EPB41L3: variants seen among roughly 807,000 people sequenced by gnomAD.
EPB41L3 encodes band 4.1-like protein 3.
A neutral mutation model predicts 127.1 loss-of-function variants in EPB41L3; 57 were observed. The ratio of observed to expected loss-of-function variants is 0.45; its 90% CI spans 0.36 to 0.56. EPB41L3 has a LOEUF of 0.56. EPB41L3 is among the 20% of genes least tolerant of loss of function. EPB41L3 has a pLI of 0.00. For synonymous variants in EPB41L3, 572 were observed against 549.5 expected (o/e 1.04, Z -0.57); for missense variants, 1,273 against 1,372.2 (o/e 0.93, Z 1.14).
At chr18:5,428,213 T>G (rs1327880568) in intron 9 of EPB41L3, 100 bp downstream of exon 9, 4 of 1,386,178 alleles carry the variant, frequency 2.9e-6, no homozygotes, top group Non-Finnish European at 4.0e-6. Context: ...TCATTCACTG[T>G]GTCCCACAAT....
intron 1 of EPB41L3, among the ~76,000 whole-genome samples, chr18:5,615,816 A>G (rs1466839176): frequency 6.6e-6 from 1 of 152,216 alleles, no homozygotes; most frequent in Admixed American, 6.5e-5. Context: ...AAACAGAAAG[A>G]GAGCATGGCT....
At chr18:5,443,984 C>T (rs1258286052) in intron 4 of EPB41L3, 104 bp from the exon 5 acceptor site, 9 of 942,766 alleles carry the variant, frequency 9.5e-6, no homozygotes, top group African/African-American at 1.7e-5. Flanking sequence ...AGTTAGTGGT[C>T]GTGGGAAGGC....
chr18:5,552,015 A>C (rs1271348320), intron 3 of EPB41L3, among the ~76,000 whole-genome samples: 1 of 152,220 alleles, frequency 6.6e-6, no homozygotes, highest in Non-Finnish European at 1.5e-5. Context: ...CTTAAATTGA[A>C]TGTTAAGAAT....
intron 8 of EPB41L3, among the ~76,000 whole-genome samples, chr18:5,430,913 TC>T (rs1350910916): frequency 6.6e-6 from 1 of 152,074 alleles, no homozygotes; most frequent in African/African-American, 2.4e-5. Context: ...ACATGTGCAT[TC>T]CACTATCAAT....
intron 3 of EPB41L3, among the ~76,000 whole-genome samples, chr18:5,604,304 T>C (rs1420090037): frequency 2.0e-5 from 3 of 152,110 alleles, no homozygotes; most frequent in African/African-American, 7.2e-5. Flanking sequence ...GTCCCCTTTT[T>C]GGGCACTCAG....
chr18:5,583,129 T>C (rs183148081), intron 3 of EPB41L3, among the ~76,000 whole-genome samples: 7 of 152,316 alleles, frequency 4.6e-5, no homozygotes, highest in Middle Eastern at 3.4e-3. Flanking sequence ...ATTTTTACTA[T>C]ACTATTTTAA....
intron 13 of EPB41L3, among the ~76,000 whole-genome samples, chr18:5,414,795 A>C (rs1364865128): frequency 6.6e-6 from 1 of 152,178 alleles, no homozygotes; most frequent in African/African-American, 2.4e-5. Flanking sequence ...TGGGCTGTTC[A>C]CTGGGCTGTG....
At chr18:5,428,650 G>A (rs775073521) in intron 8 of EPB41L3, among the ~76,000 whole-genome samples, 185 bp from the exon 9 acceptor site, 9 of 152,098 alleles carry the variant, frequency 5.9e-5, no homozygotes, top group Non-Finnish European at 1.2e-4. Flanking sequence ...TTATCACTAT[G>A]GAGAGGTTTG....
intron 1 of EPB41L3, among the ~76,000 whole-genome samples, chr18:5,515,681 A>G: frequency 6.6e-6 from 1 of 152,254 alleles, no homozygotes; most frequent in East Asian, 1.9e-4. Context: ...ACAATGCCAG[A>G]AAAGATAGCG....
chr18:5,423,805 A>C (rs530804436), intron 10 of EPB41L3, among the ~76,000 whole-genome samples: 1 of 152,324 alleles, frequency 6.6e-6, no homozygotes, highest in South Asian at 2.1e-4. Flanking sequence ...CAAAGTGGAC[A>C]GTCTATGGTT....
chr18:5,474,772 G>C (rs901727905), intron 3 of EPB41L3, among the ~76,000 whole-genome samples: 2 of 152,070 alleles, frequency 1.3e-5, no homozygotes, highest in African/African-American at 4.8e-5. Context: ...GTTTCTTTGT[G>C]TCTGCATGTC....
chr18:5,404,358 C>T (rs7231743), intron 16 of EPB41L3, among the ~76,000 whole-genome samples: 9,714 of 152,222 alleles, frequency 0.064, 490 homozygotes, highest in African/African-American at 0.13. Flanking sequence ...ACCCTGCAGA[C>T]GCTGAAAGCA....
At chr18:5,626,503 A>G (rs1220784936) in intron 1 of EPB41L3, among the ~76,000 whole-genome samples, 2 of 152,192 alleles carry the variant, frequency 1.3e-5, no homozygotes, top group South Asian at 2.1e-4. Flanking sequence ...CAGTTCTCCA[A>G]TGAAAGTCAT....
chr18:5,463,313 G>C (rs1373052075), intron 3 of EPB41L3, among the ~76,000 whole-genome samples: 4 of 152,130 alleles, frequency 2.6e-5, no homozygotes, highest in African/African-American at 9.7e-5. Flanking sequence ...ATTGTGACAG[G>C]CAGAATTCTA....
At chr18:5,540,431 G>A in intron 1 of EPB41L3, 1 of 985,414 alleles carries the variant, frequency 1.0e-6, no homozygotes, top group Non-Finnish European at 1.2e-6. Context: ...GTCTGGTTTT[G>A]CCTGCCCCAC....
intron 1 of EPB41L3, among the ~76,000 whole-genome samples, chr18:5,502,316 A>C (rs566821604): frequency 6.6e-6 from 1 of 152,046 alleles, no homozygotes; most frequent in East Asian, 1.9e-4. Context: ...AAAAAAAAAA[A>C]CCTGAAAGGC....
intron 2 of EPB41L3, among the ~76,000 whole-genome samples, chr18:5,484,294 C>T (rs2089305548): frequency 1.3e-5 from 2 of 150,398 alleles, no homozygotes; most frequent in South Asian, 4.2e-4. Context: ...TATCAAAACA[C>T]AAGTGAAAAT....
intron 3 of EPB41L3, among the ~76,000 whole-genome samples, chr18:5,464,598 A>G (rs2084625096): frequency 6.6e-6 from 1 of 152,186 alleles, no homozygotes; most frequent in Non-Finnish European, 1.5e-5. Context: ...AGCTGCTACT[A>G]TTGAGTCCCT....
At chr18:5,489,272 G>A (rs994826256) in intron 1 of EPB41L3, 78 bp from the exon 2 acceptor site, 8 of 1,490,224 alleles carry the variant, frequency 5.4e-6, no homozygotes, top group Admixed American at 2.5e-5. Context: ...GATGCTCACC[G>A]TGAAAGGCTC....
Sources: gnomAD v4.1 joint callset for allele counts (sites outside exome capture counted in the v4.1 genomes callset) on GRCh38, gnomAD v4.1.1 for gene constraint, MANE v1.5 for transcripts, NCBI Gene and HGNC (gene_info 2026-07-23, HGNC 2026-07-21) for gene names.